The following ERF variants were observed in gnomAD, a reference collection of about 807,000 sequenced individuals.
The protein encoded by ERF is ETS2 repressor factor.
Under a neutral mutation model 41.6 loss-of-function variants are expected in ERF, and 10 were observed. That is an observed-to-expected ratio of 0.24 (90% confidence interval 0.15 to 0.41). The LOEUF is 0.41. Ranked by LOEUF, ERF falls within the 10% of genes least tolerant of loss-of-function variation. ERF has a pLI of 1.00. For missense variants in ERF, 621 were observed against 763.2 expected, an observed-to-expected ratio of 0.81 and a Z score of 2.19; for synonymous variants, 395 against 342.4, an observed-to-expected ratio of 1.15 and a Z score of -1.70.
Position 42,248,813 on chromosome 19 carries a change from G to A in ERF, c.1299C>T (p.Gly433=), listed in dbSNP as rs1440123404. Residue 433 remains glycine (G), a synonymous_variant, in exon 4 of 4, where the codon GGC becomes GGT. Coordinates refer to ENST00000222329, the MANE Select transcript of ERF (RefSeq NM_006494.4). This position sits in a 1 kb window ranked among gnomAD's most constrained non-coding sequence, Gnocchi z 4.2. Reference sequence around the variant, plus strand: ...CAGTCACCTCTACCTCCTCCGACTCGCCTTCCGAGATGGGCTCCACCTTGA... The same window carrying A: ...CAGTCACCTCTACCTCCTCCGACTCACCTTCCGAGATGGGCTCCACCTTGA... ...PQIKVEPISE[G]ESEEVEVTDI... 2.5e-6 allele frequency: 4 copies of A among 1,613,200 alleles called. No homozygotes were observed. The highest frequency in any genetic ancestry group is 3.4e-6 in the Non-Finnish European group (4 of 1,179,890).
Position 42,248,542 on chromosome 19 carries a change from G to C in ERF, c.1570C>G (p.Pro524Ala). The change falls in exon 4 of 4, where the codon CCC becomes GCC. Residue 524 changes from proline to alanine, a missense_variant. Pro to Ala is a conservative substitution (Grantham distance 27). Coordinates refer to ENST00000222329, the MANE Select transcript of ERF (RefSeq NM_006494.4). The surrounding 1 kb of genome is among the most constrained non-coding windows in gnomAD (Gnocchi z 4.2). ...GAGCTCACCCGCCTTGGGGTGAGGG[G>C]CCCCCCAGCCTCCCCAGGCCCCTCC... ...RGEGPGEAGGPLTPRRVSSDL... is the reference protein window; with the variant it reads ...RGEGPGEAGGALTPRRVSSDL... 1 of 1,548,784 alleles carries C rather than the reference G, an allele frequency of 6.5e-7. No homozygotes were observed. Among genetic ancestry groups the C allele is most frequent in the East Asian group, 2.3e-5 (1 of 44,254 alleles).
At chr19:42,252,282 G>C (rs1043206584) in intron 1 of ERF, among the ~76,000 whole-genome samples, 1 of 152,140 alleles carries the variant, frequency 6.6e-6, no homozygotes, top group Non-Finnish European at 1.5e-5. Flanking sequence ...AGACCTAGAA[G>C]GGGGGCCAAA....
At position 42,248,612 on chromosome 19, in the gene ERF, G is replaced by T. The variant is rs375553116; in HGVS notation, c.1500C>A (p.Pro500=). The T allele has an allele frequency of 1.9e-6, 3 of 1,580,304 alleles. No homozygotes were observed. Among genetic ancestry groups the T allele is most frequent in the Non-Finnish European group, 2.6e-6 (3 of 1,161,476 alleles). Reference sequence around the variant, plus strand: ...CACCCTCATCCTCAAAGCCCCCAGCGGGGCCCCCACCCCCTTCGAGGCGAC... The same window carrying T: ...CACCCTCATCCTCAAAGCCCCCAGCTGGGCCCCCACCCCCTTCGAGGCGAC... ...EDCRLEGGGG[P]AGGFEDEGED... Residue 500 remains proline, a synonymous_variant, in exon 4 of 4, where the codon CCC becomes CCA. Transcript: ENST00000222329. The surrounding 1 kb of genome is among the most constrained non-coding windows in gnomAD (Gnocchi z 4.2).
rs746988019 is a variant in ERF at position 42,249,231 on chromosome 19, G to T, written c.881C>A (p.Pro294His). The change falls in exon 4 of 4, where the codon CCC (proline) becomes CAC (histidine). Residue 294 changes from proline to histidine, a missense_variant. Around this residue, in one of 3 missense-constraint regions of ERF, gnomAD observed 569 missense variants for 625.5 expected, o/e 0.91. Coordinates refer to ENST00000222329, the MANE Select transcript of ERF (RefSeq NM_006494.4). This position sits in a 1 kb window ranked among gnomAD's most constrained non-coding sequence, Gnocchi z 8.6. ...SPMYPSGGGG[P>H]SGSGGGSHFS... ...GTGGGAGCCTCCCCCTGAGCCGCTG[G>T]GCCCCCCGCCACCACTGGGGTACAT... 6.2e-7 allele frequency: 1 copy of T among 1,613,158 alleles called. No homozygotes were observed. Among genetic ancestry groups the T allele is most frequent in the Admixed American group, 1.7e-5 (1 of 59,928 alleles).
At position 42,248,252 on chromosome 19, in the gene ERF, A is replaced by T. The variant is rs2036363583; in HGVS notation, c.*213T>A. On this transcript the variant is annotated 3_prime_UTR_variant, in exon 4 of 4. Transcript: ENST00000222329. The surrounding 1 kb of genome is among the most constrained non-coding windows in gnomAD (Gnocchi z 4.2). ...CTTTGCCCAGAGCTTAGAAACCCAC[A>T]GAGACAGGGAATAGCCCCTAGCCCT... 5.3e-6 allele frequency: 1 copy of T among 189,426 alleles called. No homozygotes were observed. Among genetic ancestry groups the T allele is most frequent in the Non-Finnish European group, 1.0e-5 (1 of 98,078 alleles). 11.7% of individuals were successfully genotyped at this position (189,426 alleles called of 1,614,324 possible).
At chr19:42,253,467 G>A (rs2036478979) in intron 1 of ERF, among the ~76,000 whole-genome samples, 2 of 152,110 alleles carry the variant, frequency 1.3e-5, no homozygotes, top group Admixed American at 6.5e-5. Context: ...ACAGGGTTGG[G>A]GAAGCGACCC....
chr19:42,251,641 C>T (rs1211330253), intron 1 of ERF, among the ~76,000 whole-genome samples: 1 of 152,046 alleles, frequency 6.6e-6, no homozygotes, highest in Non-Finnish European at 1.5e-5. Flanking sequence ...TAAAGATGGG[C>T]GGCTCCCAAA....
At chr19:42,253,890 G>A (rs1375168480) in intron 1 of ERF, 3 of 1,083,256 alleles carry the variant, frequency 2.8e-6, no homozygotes, top group African/African-American at 3.4e-5. Flanking sequence ...CGCCGCCGGG[G>A]GAAGGAAACA....
rs1232057738 is a variant in ERF, at chr19:42,249,065, C to T, written c.1047G>A (p.Pro349=). ...VPQPQRPDKC[P]LPPMAPETPP... is the part of the protein sequence containing the mutation. ...GGGTCTCGGGTGCCATGGGCGGCAG[C>T]GGGCACTTGTCAGGGCGCTGGGGCT... is the stretch of plus-strand genomic sequence containing the variant. The change falls in exon 4 of 4, where the codon CCG becomes CCA. Residue 349 remains proline, a synonymous_variant. Coordinates refer to ENST00000222329, the MANE Select transcript of ERF (RefSeq NM_006494.4). This position sits in a 1 kb window ranked among gnomAD's most constrained non-coding sequence, Gnocchi z 8.6. The T allele has an allele frequency of 1.9e-6, 3 of 1,612,808 alleles. No individual in the cohort carries two copies. Among genetic ancestry groups the T allele is most frequent in the Non-Finnish European group, 8.5e-7 (1 of 1,179,454 alleles).
intron 1 of ERF, chr19:42,254,468 C>G (rs1367997521): frequency 6.5e-6 from 1 of 153,078 alleles, no homozygotes; most frequent in Non-Finnish European, 1.5e-5. Context: ...GCGGCGCAGC[C>G]AGGACCCCGA....
chr19:42,252,736 G>GA (rs2036465020), intron 1 of ERF, among the ~76,000 whole-genome samples: 1 of 152,116 alleles, frequency 6.6e-6, no homozygotes, highest in South Asian at 2.1e-4. Flanking sequence ...TTGGGGGGGG[G>GA]AGAATGAAGA....
intron 1 of ERF, chr19:42,254,015 G>T: frequency 1.1e-6 from 1 of 911,994 alleles, no homozygotes; most frequent in South Asian, 4.5e-5. Flanking sequence ...GCGCGCTCGG[G>T]CGCAAAGTCC....
chr19:42,248,867 C>A lies in ERF; in HGVS notation c.1245G>T (p.Ala415=). The stretch of plus-strand genomic sequence containing the variant: ...GTGGTGGCGGGGGCGGTGGGGCTAG[C>A]GCCCCTGCCCCCTCAGCCAGCCCGC... ...SAGGLAEGAG[A]LAPPPPPPQI... The change falls in exon 4 of 4, where the codon GCG becomes GCT. Residue 415 remains alanine, a synonymous_variant. Transcript: ENST00000222329. This position sits in a 1 kb window ranked among gnomAD's most constrained non-coding sequence, Gnocchi z 4.2. The A allele has an allele frequency of 6.2e-7, 1 of 1,607,980 alleles. No individual in the cohort carries two copies. Among genetic ancestry groups the A allele is most frequent in the African/African-American group, 1.3e-5 (1 of 74,984 alleles).
At chr19:42,253,682 C>A (rs570868863) in intron 1 of ERF, among the ~76,000 whole-genome samples, 90 of 152,180 alleles carry the variant, frequency 5.9e-4, no homozygotes, top group African/African-American at 2.1e-3. Context: ...CCCCCAGGGC[C>A]CCTCCTCGGT....
Position 42,249,423 on chromosome 19 carries a change from C to A in ERF, c.689G>T (p.Gly230Val). ...PPLARLPHDP[G>V]VFRVYPRPRG... The stretch of plus-strand genomic sequence containing the variant: ...AGGCCGGGGATAGACTCGGAAGACA[C>A]CAGGGTCATGGGGCAGGCGGGCCAG... Residue 230 changes from glycine (G) to valine (V), a missense_variant, in exon 4 of 4, where the codon GGT (glycine) becomes GTT (valine). Physicochemically the swap from Gly to Val is moderately radical, Grantham distance 109. Transcript: ENST00000222329. The surrounding 1 kb of genome is among the most constrained non-coding windows in gnomAD (Gnocchi z 8.6). 1 of 1,589,844 alleles carries A rather than the reference C, an allele frequency of 6.3e-7. No individual in the cohort carries two copies. Among genetic ancestry groups the A allele is most frequent in the Non-Finnish European group, 8.6e-7 (1 of 1,168,618 alleles).
intron 1 of ERF, among the ~76,000 whole-genome samples, chr19:42,252,483 A>C (rs1170453598): frequency 6.6e-6 from 1 of 151,718 alleles, no homozygotes; most frequent in Admixed American, 6.6e-5. Context: ...AGAGGGAGTG[A>C]GAGAGACTAC....
In ERF at chr19:42,248,907, C is replaced by T. The variant is rs1326716475; in HGVS notation, c.1205G>A (p.Ser402Asn). 1.2e-6 allele frequency: 2 copies of T among 1,607,672 alleles called. No homozygotes were observed. The highest frequency in any genetic ancestry group is 1.7e-6 in the Non-Finnish European group (2 of 1,179,608). Residue 402 changes from serine to asparagine, a missense_variant, in exon 4 of 4, where the codon AGC becomes AAC. By Grantham distance (46) the Ser-to-Asn change is conservative (BLOSUM62 1). Transcript: ENST00000222329. This position sits in a 1 kb window ranked among gnomAD's most constrained non-coding sequence, Gnocchi z 4.2. ...GEKAVAGADK[S>N]GGSAGGLAEG... is the part of the protein sequence containing the mutation. ...AGCCAGCCCGCCTGCACTGCCACCG[C>T]TCTTGTCAGCACCGGCTACGGCCTT... is the stretch of plus-strand genomic sequence containing the variant.
Position 42,250,641 on chromosome 19 carries a change from C to G in ERF, c.23-76G>C. 7.1e-7 allele frequency: 1 copy of G among 1,415,988 alleles called. No homozygotes were observed. The highest frequency in any genetic ancestry group is 9.7e-7 in the Non-Finnish European group (1 of 1,034,192). 87.7% of individuals were successfully genotyped at this position (1,415,988 alleles called of 1,614,324 possible). ...GCTCTGGGTCCCATCCCAGGGTCCA[C>G]CTCTGCCCTGCCTTCAACATGGGGA... On this transcript the variant is annotated intron_variant, in intron 1 of 3. Transcript: ENST00000222329. The surrounding 1 kb of genome is among the most constrained non-coding windows in gnomAD (Gnocchi z 5.1).
At chr19:42,252,999 G>A (rs1300554282) in intron 1 of ERF, among the ~76,000 whole-genome samples, 1 of 152,208 alleles carries the variant, frequency 6.6e-6, no homozygotes, top group East Asian at 1.9e-4. Flanking sequence ...TGCAGAAGTG[G>A]CAGCAGTCAG....
Sources: allele counts gnomAD v4.1 joint callset (sites outside exome capture counted in the v4.1 genomes callset), GRCh38; gene constraint gnomAD v4.1.1; regional missense constraint gnomAD v4.1.1; non-coding constraint Gnocchi (gnomAD v3.1); transcripts MANE v1.5; gene names NCBI Gene and HGNC (gene_info 2026-07-23, HGNC 2026-07-21).